The following ARB2A variants were observed in gnomAD, a reference collection of about 807,000 sequenced individuals.
ARB2A encodes cotranscriptional regulator ARB2A.
the ARB2A span, among the ~76,000 whole-genome samples, chr5:93,932,247 T>C: frequency 1.3e-5 from 2 of 152,154 alleles, no homozygotes; most frequent in Non-Finnish European, 2.9e-5. Flanking sequence ...AGTCAGTTGT[T>C]AAAATAACCT....
the ARB2A span, among the ~76,000 whole-genome samples, chr5:93,787,013 T>C: frequency 6.6e-6 from 1 of 152,194 alleles, no homozygotes; most frequent in East Asian, 1.9e-4. Flanking sequence ...AAAGTCCTTC[T>C]ATATAACAAT....
At chr5:93,678,679 C>A in the ARB2A span, among the ~76,000 whole-genome samples, 2 of 151,946 alleles carry the variant, frequency 1.3e-5, no homozygotes, top group Admixed American at 6.6e-5. Flanking sequence ...TCGCTTGAAC[C>A]CAGAAGGCGG....
chr5:93,955,483 TAGC>T, the ARB2A span, among the ~76,000 whole-genome samples: 1 of 152,204 alleles, frequency 6.6e-6, no homozygotes, highest in African/African-American at 2.4e-5. Context: ...ATTATGGAAA[TAGC>T]AGATTCTTCT....
At chr5:93,777,586 T>G in the ARB2A span, among the ~76,000 whole-genome samples, 1 of 99,140 alleles carries the variant, frequency 1.0e-5, no homozygotes, top group Non-Finnish European at 2.3e-5. Flanking sequence ...CCAGACAGAT[T>G]TTTTTTTTTT....
At chr5:93,842,950 C>T in the ARB2A span, among the ~76,000 whole-genome samples, 1 of 152,168 alleles carries the variant, frequency 6.6e-6, no homozygotes, top group African/African-American at 2.4e-5. Flanking sequence ...ATCCCAGTTT[C>T]ATCACCACCA....
chr5:93,839,476 G>T, the ARB2A span, among the ~76,000 whole-genome samples: 1 of 151,982 alleles, frequency 6.6e-6, no homozygotes, highest in Admixed American at 6.6e-5. Context: ...AAGGATATTG[G>T]CTTGAATTTT....
At chr5:93,746,498 G>A in the ARB2A span, among the ~76,000 whole-genome samples, 1 of 152,174 alleles carries the variant, frequency 6.6e-6, no homozygotes, top group Non-Finnish European at 1.5e-5. Flanking sequence ...TTAAGATTAT[G>A]AGGACTTTTT....
the ARB2A span, among the ~76,000 whole-genome samples, chr5:93,657,653 T>C: frequency 3.9e-5 from 6 of 152,148 alleles, no homozygotes; most frequent in South Asian, 2.1e-4. Context: ...AAACAAGACA[T>C]AGGTGTCATC....
chr5:93,638,668 A>C, the ARB2A span, among the ~76,000 whole-genome samples: 4 of 151,580 alleles, frequency 2.6e-5, no homozygotes, highest in Non-Finnish European at 5.9e-5. Context: ...AAAAATACAA[A>C]AAAAAAAAAA....
chr5:93,767,735 C>T, the ARB2A span, among the ~76,000 whole-genome samples: 1 of 152,088 alleles, frequency 6.6e-6, no homozygotes, highest in Middle Eastern at 3.4e-3. Flanking sequence ...TGGCTCACGT[C>T]TGTAATCCCA....
At chr5:93,770,775 T>A in the ARB2A span, among the ~76,000 whole-genome samples, 1 of 152,234 alleles carries the variant, frequency 6.6e-6, no homozygotes, top group East Asian at 1.9e-4. Flanking sequence ...CAAGGAGAAC[T>A]ACAAAACACT....
the ARB2A span, chr5:93,781,895 A>G: frequency 1.0e-6 from 1 of 985,406 alleles, no homozygotes; most frequent in Non-Finnish European, 1.2e-6. Context: ...TTAAGACAAC[A>G]GCCCTTTCCT....
chr5:94,103,922 G>A, the ARB2A span, among the ~76,000 whole-genome samples: 1 of 151,450 alleles, frequency 6.6e-6, no homozygotes, highest in Non-Finnish European at 1.5e-5. Flanking sequence ...GGTAAACAAT[G>A]AAATTAAGAC....
chr5:93,729,490 A>G, the ARB2A span, among the ~76,000 whole-genome samples: 2 of 152,118 alleles, frequency 1.3e-5, no homozygotes, highest in African/African-American at 4.8e-5. Context: ...TGTCTGGGAA[A>G]TGGCCAAACA....
chr5:93,748,527 G>C, the ARB2A span, among the ~76,000 whole-genome samples: 2 of 151,988 alleles, frequency 1.3e-5, no homozygotes, highest in African/African-American at 4.8e-5. Flanking sequence ...ATATTGAAAA[G>C]CAATGAACAG....
the ARB2A span, among the ~76,000 whole-genome samples, chr5:93,961,195 G>T: frequency 3.3e-5 from 5 of 152,058 alleles, no homozygotes; most frequent in African/African-American, 9.7e-5. Flanking sequence ...AGGTCAGTGA[G>T]GCCTTAATGG....
At chr5:93,951,380 G>A in the ARB2A span, among the ~76,000 whole-genome samples, 3 of 152,098 alleles carry the variant, frequency 2.0e-5, no homozygotes, top group Non-Finnish European at 4.4e-5. Context: ...CGCTTATGGG[G>A]TATTAATCAA....
chr5:93,740,016 A>G, the ARB2A span: 1 of 151,910 alleles, frequency 6.6e-6, no homozygotes, highest in Non-Finnish European at 1.5e-5. Context: ...AAAAAAAAAA[A>G]ATCTTCCAAG....
At chr5:93,763,679 G>A in the ARB2A span, among the ~76,000 whole-genome samples, 2 of 152,142 alleles carry the variant, frequency 1.3e-5, no homozygotes, top group African/African-American at 4.8e-5. Context: ...ATTGAACTCA[G>A]CTCTGCAACA....
Sources: allele counts gnomAD v4.1 joint callset (sites outside exome capture counted in the v4.1 genomes callset), GRCh38; gene constraint gnomAD v4.1.1; transcripts MANE v1.5; gene names NCBI Gene and HGNC (gene_info 2026-07-23, HGNC 2026-07-21).